ZNF704: variants seen among roughly 807,000 people sequenced by gnomAD.
The protein encoded by ZNF704 is glucocorticoid induced gene 1.
In ZNF704, 10 loss-of-function variants were observed where a neutral mutation model predicts 44.7. The ratio of observed to expected loss-of-function variants is 0.22; its 90% CI spans 0.14 to 0.38. ZNF704 has a LOEUF of 0.38. ZNF704 is among the 10% of genes least tolerant of loss of function. The pLI is 1.00. For synonymous variants in ZNF704, 211 were observed against 207.6 expected (o/e 1.02, Z -0.14); for missense variants, 390 against 545.5 (o/e 0.71, Z 2.84).
chr8:80,741,521 T>C (rs1292147504), intron 2 of ZNF704, among the ~76,000 whole-genome samples: 1 of 152,058 alleles, frequency 6.6e-6, no homozygotes, highest in Non-Finnish European at 1.5e-5. Context: ...AAGGAAGAGA[T>C]CTTATGTGTG....
rs73271078 is a variant in ZNF704, at chr8:80,689,310, A to G, written c.326-1852T>C. On this transcript the variant is annotated intron_variant, in intron 3 of 8. Transcript: ENST00000327835. ...ACTATGTCAAGCAAAAAGTTAAGTT[A>G]GAGGAGTGAAGCTTTAAGTTGAAAT... Among the ~76,000 whole-genome samples the G allele has an allele frequency of 5.1e-3, 780 of 152,330 alleles. 6 individuals are homozygous for G. Among genetic ancestry groups the G allele is most frequent in the African/African-American group, 0.017 (721 of 41,566 alleles).
chr8:80,840,963 A>G (rs941433698), intron 1 of ZNF704, among the ~76,000 whole-genome samples: 13 of 152,228 alleles, frequency 8.5e-5, no homozygotes, highest in Non-Finnish European at 1.8e-4. Context: ...AGGATTATTG[A>G]TAGTTCCTCA....
intron 2 of ZNF704, among the ~76,000 whole-genome samples, chr8:80,771,304 T>C (rs1807315612): frequency 6.6e-6 from 1 of 152,152 alleles, no homozygotes. Flanking sequence ...GAATTGACTA[T>C]TATTACTATG....
chr8:80,684,991 T>C (rs1018952247), intron 4 of ZNF704, among the ~76,000 whole-genome samples: 8 of 152,150 alleles, frequency 5.3e-5, no homozygotes, highest in Non-Finnish European at 7.3e-5. Flanking sequence ...ATCAGCATCC[T>C]ATTCGTCTCG....
intron 1 of ZNF704, among the ~76,000 whole-genome samples, chr8:80,861,153 T>A (rs1563580236): frequency 6.6e-6 from 1 of 152,326 alleles, no homozygotes; most frequent in East Asian, 1.9e-4. Context: ...AAGCTTTATC[T>A]TGAGTTTACA....
At chr8:80,778,791 T>A (rs760220760) in intron 2 of ZNF704, among the ~76,000 whole-genome samples, 1 of 152,006 alleles carries the variant, frequency 6.6e-6, no homozygotes, top group Non-Finnish European at 1.5e-5. Flanking sequence ...CACTTACAAG[T>A]GGGAGCTAAA....
chr8:80,641,140 T>C lies in ZNF704; in HGVS notation c.*226A>G, dbSNP rs1817736125. ...CTTTTGAAGGAAAAAAAACTAGTTA[T>C]AGCTGCTCCAAGCTGGGTTCTCAGT... On this transcript the variant is annotated 3_prime_UTR_variant, in exon 9 of 9. Coordinates refer to ENST00000327835, the MANE Select transcript of ZNF704 (RefSeq NM_001033723.3). 2.8e-6 allele frequency: 1 copy of C among 363,558 alleles called. No individual in the cohort carries two copies. The highest frequency in any genetic ancestry group is 4.9e-6 in the Non-Finnish European group (1 of 203,034). The allele number at this position is 363,558 out of a possible 1,614,324, so 22.5% of individuals were successfully genotyped here.
At chr8:80,783,343 G>A (rs1807561107) in intron 2 of ZNF704, among the ~76,000 whole-genome samples, 2 of 152,162 alleles carry the variant, frequency 1.3e-5, no homozygotes. Flanking sequence ...CAGCTTTTAA[G>A]TTCAGCGGTA....
At chr8:80,716,588 T>C (rs1277740762) in intron 2 of ZNF704, among the ~76,000 whole-genome samples, 4 of 152,274 alleles carry the variant, frequency 2.6e-5, no homozygotes, top group Admixed American at 6.5e-5. Context: ...TGTCAGGATC[T>C]GATCTACAGA....
chr8:80,774,050 C>CT lies in ZNF704; in HGVS notation c.221+47323dup, dbSNP rs113962202. Among the ~76,000 whole-genome samples the CT allele has an allele frequency of 2.8e-3, 397 of 142,914 alleles. 1 individual carries two copies. The highest frequency in any genetic ancestry group is 6.1e-3 in the African/African-American group (242 of 39,434). 93.8% of individuals were successfully genotyped at this position (142,914 alleles called of 152,430 possible). Reference sequence around the variant, plus strand: ...AGATTCTGAATGTTATTTAAATCTTCTTTTTTTTTTTTTTGGATACAGGGT... The same window carrying CT: ...AGATTCTGAATGTTATTTAAATCTTCTTTTTTTTTTTTTTTGGATACAGGGT... On this transcript the variant is annotated intron_variant, in intron 2 of 8. Transcript: ENST00000327835.
intron 2 of ZNF704, among the ~76,000 whole-genome samples, chr8:80,771,326 A>G (rs575824064): frequency 1.3e-5 from 2 of 152,280 alleles, no homozygotes; most frequent in Admixed American, 1.3e-4. Flanking sequence ...TGAGTCTTGC[A>G]ATCCATAAAC....
At chr8:80,843,901 T>C (rs1808721348) in intron 1 of ZNF704, among the ~76,000 whole-genome samples, 2 of 151,626 alleles carry the variant, frequency 1.3e-5, no homozygotes, top group Admixed American at 1.3e-4. Flanking sequence ...TTTTGCTACA[T>C]ATTGTAAGCA....
chr8:80,772,606 C>A (rs929268150), intron 2 of ZNF704, among the ~76,000 whole-genome samples: 1 of 152,024 alleles, frequency 6.6e-6, no homozygotes, highest in Non-Finnish European at 1.5e-5. Flanking sequence ...CCATCAGAAA[C>A]CACCCCCATG....
At chr8:80,816,818 T>C (rs1027801406) in intron 2 of ZNF704, among the ~76,000 whole-genome samples, 2 of 152,140 alleles carry the variant, frequency 1.3e-5, no homozygotes, top group African/African-American at 2.4e-5. Flanking sequence ...GTTGAATAAT[T>C]TGAAGAATAC....
chr8:80,638,662 G>A lies in ZNF704; in HGVS notation c.*2704C>T, dbSNP rs1817697146. On this transcript the variant is annotated 3_prime_UTR_variant, in exon 9 of 9. Coordinates refer to ENST00000327835, the MANE Select transcript of ZNF704 (RefSeq NM_001033723.3). The stretch of plus-strand genomic sequence containing the variant: ...TCATAGCTTTCTGGGTGGCCTGTAA[G>A]GAGTATAATCCCTTTTCTTCAAGAC... The A allele has an allele frequency of 6.6e-6, 1 of 152,282 alleles. No individual in the cohort carries two copies. Among genetic ancestry groups the A allele is most frequent in the South Asian group, 2.1e-4 (1 of 4,828 alleles). 9.4% of individuals were successfully genotyped at this position (152,282 alleles called of 1,614,324 possible). A position where few individuals can be genotyped will look rare whatever the true frequency, so the allele number is the denominator to read the frequency against.
Position 80,739,741 on chromosome 8 carries a change from G to A in ZNF704, c.222-46634C>T, listed in dbSNP as rs144934332. Among the ~76,000 whole-genome samples the A allele has an allele frequency of 8.6e-3, 1,308 of 152,218 alleles. 19 individuals carry two copies. The highest frequency in any genetic ancestry group is 0.014 in the Middle Eastern group (4 of 294). On this transcript the variant is annotated intron_variant, in intron 2 of 8. Transcript: ENST00000327835. ...AGGCTCTGGAAAAGGGAAGAGCTGG[G>A]CAAACTGAATGCTAATAGGGCTTGC...
chr8:80,640,700 T>C lies in ZNF704; in HGVS notation c.*666A>G, dbSNP rs1348951065. ...GCTTCGGGCTGAAGTCTGCTGGTGA[T>C]TTCCGTGGACAATCCCTTCTCGAGT... On this transcript the variant is annotated 3_prime_UTR_variant, in exon 9 of 9. Transcript: ENST00000327835. 6.6e-6 allele frequency: 1 copy of C among 152,236 alleles called. No homozygotes were observed. The highest frequency in any genetic ancestry group is 1.9e-4 in the East Asian group (1 of 5,198). 9.4% of individuals were successfully genotyped at this position (152,236 alleles called of 1,614,324 possible).
At chr8:80,772,651 A>G (rs151191373) in intron 2 of ZNF704, among the ~76,000 whole-genome samples, 1 of 152,224 alleles carries the variant, frequency 6.6e-6, no homozygotes, top group East Asian at 1.9e-4. Context: ...CACCTTCAAC[A>G]TTGGGGAATA....
At chr8:80,695,994 C>T (rs1183850978) in intron 2 of ZNF704, among the ~76,000 whole-genome samples, 1 of 152,080 alleles carries the variant, frequency 6.6e-6, no homozygotes, top group African/African-American at 2.4e-5. Flanking sequence ...GATGATATGG[C>T]CTTGTGCTAA....
Sources: allele counts gnomAD v4.1 joint callset (sites outside exome capture counted in the v4.1 genomes callset), GRCh38; gene constraint gnomAD v4.1.1; transcripts MANE v1.5; gene names NCBI Gene and HGNC (gene_info 2026-07-23, HGNC 2026-07-21).